The following PTGER3 variants were observed in gnomAD, a reference collection of about 807,000 sequenced individuals.
PTGER3 encodes the protein prostaglandin E2 receptor EP3 subtype.
A neutral mutation model predicts 34.7 loss-of-function variants in PTGER3; 22 were observed. The ratio of observed to expected loss-of-function variants is 0.63; its 90% CI spans 0.45 to 0.91. The LOEUF is 0.91. Among genes scored for constraint, PTGER3 ranks in the 40% least tolerant of loss-of-function variants. The pLI, the probability that PTGER3 is intolerant of heterozygous loss-of-function variation, is 0.00. For synonymous variants in PTGER3, 241 were observed against 230.1 expected (o/e 1.05, Z -0.43); for missense variants, 468 against 519.4 (o/e 0.90, Z 0.96).
chr1:70,932,132 A>C (rs1648765091), intron 4 of PTGER3, among the ~76,000 whole-genome samples: 1 of 152,142 alleles, frequency 6.6e-6, no homozygotes, highest in African/African-American at 2.4e-5. Flanking sequence ...GAAAAATCCC[A>C]CCAGTTTCTT....
At chr1:71,004,619 A>G (rs1383354760) in intron 2 of PTGER3, among the ~76,000 whole-genome samples, 1 of 152,224 alleles carries the variant, frequency 6.6e-6, no homozygotes, top group East Asian at 1.9e-4. Flanking sequence ...ATGTAGAATT[A>G]TAACAGATTT....
Position 71,047,301 on chromosome 1 carries a change from C to T in PTGER3, c.277G>A (p.Gly93Ser), listed in dbSNP as rs1474081811. Residue 93 changes from glycine (G) to serine (S), a missense_variant, in exon 1 of 4, where the codon GGC becomes AGC. Physicochemically the swap from Gly to Ser is moderately conservative, Grantham distance 56. Transcript: ENST00000306666. ...ACCAGGTCGGTGAGCGCCAGCCAGC[C>T]GATGCACAGCAGGAAGGACTTCTTG... ...KRKKSFLLCIGWLALTDLVGQ... is the reference protein window; with the variant it reads ...KRKKSFLLCISWLALTDLVGQ... The T allele has an allele frequency of 6.2e-7, 1 of 1,603,708 alleles. No homozygotes were observed. The highest frequency in any genetic ancestry group is 2.2e-5 in the East Asian group (1 of 44,448).
At chr1:71,002,877 T>A (rs1363620164) in intron 2 of PTGER3, among the ~76,000 whole-genome samples, 1 of 152,208 alleles carries the variant, frequency 6.6e-6, no homozygotes, top group African/African-American at 2.4e-5. Flanking sequence ...AGACTCCAAC[T>A]CACAGACCAC....
At chr1:70,893,462 G>A (rs77268000) in intron 4 of PTGER3, among the ~76,000 whole-genome samples, 1 of 152,128 alleles carries the variant, frequency 6.6e-6, no homozygotes, top group African/African-American at 2.4e-5. Context: ...TCTTTTTTCT[G>A]CATGTCTTTC....
chr1:70,969,362 A>G (rs891255763), downstream of PTGER3, among the ~76,000 whole-genome samples: 1 of 152,198 alleles, frequency 6.6e-6, no homozygotes, highest in African/African-American at 2.4e-5. Context: ...ACTTATGTTA[A>G]TCTTGTACAT....
intron 4 of PTGER3, among the ~76,000 whole-genome samples, chr1:70,860,195 T>A (rs980581128): frequency 6.6e-6 from 1 of 152,196 alleles, no homozygotes; most frequent in Non-Finnish European, 1.5e-5. Flanking sequence ...TTTTCTAAGA[T>A]AAATTTGTAA....
intron 2 of PTGER3, among the ~76,000 whole-genome samples, chr1:70,958,602 C>T (rs1361983468): frequency 6.6e-6 from 1 of 152,066 alleles, no homozygotes; most frequent in Non-Finnish European, 1.5e-5. Flanking sequence ...GCATAGTTTG[C>T]AAATATTTCT....
intron 4 of PTGER3, among the ~76,000 whole-genome samples, chr1:70,878,377 T>C (rs775322844): frequency 2.0e-5 from 3 of 152,120 alleles, no homozygotes; most frequent in Non-Finnish European, 4.4e-5. Context: ...TCTTTATTAG[T>C]CTAGCTCATG....
At chr1:70,932,387 T>A (rs1648793828) in intron 4 of PTGER3, among the ~76,000 whole-genome samples, 1 of 152,170 alleles carries the variant, frequency 6.6e-6, no homozygotes, top group South Asian at 2.1e-4. Context: ...TGGGTATCTT[T>A]TCAGCAATAC....
At chr1:70,915,494 T>A (rs1647155334) in intron 4 of PTGER3, among the ~76,000 whole-genome samples, 1 of 151,954 alleles carries the variant, frequency 6.6e-6, no homozygotes, top group African/African-American at 2.4e-5. Flanking sequence ...TTAAGGTCAC[T>A]GAATTTGAAG....
chr1:70,979,191 G>A (rs555097442), intron 2 of PTGER3, among the ~76,000 whole-genome samples: 1 of 152,100 alleles, frequency 6.6e-6, no homozygotes, highest in African/African-American at 2.4e-5. Context: ...GAGTAAACCA[G>A]AGTCAGCCAC....
intron 2 of PTGER3, 40 bp downstream of exon 2, chr1:71,012,265 T>C: frequency 1.9e-6 from 3 of 1,614,124 alleles, no homozygotes; most frequent in Non-Finnish European, 2.5e-6. Context: ...GGCTGCCCTT[T>C]CTGTCCATCA....
At chr1:70,855,280 C>T (rs1225927780) in intron 4 of PTGER3, among the ~76,000 whole-genome samples, 1 of 152,138 alleles carries the variant, frequency 6.6e-6, no homozygotes, top group African/African-American at 2.4e-5. Context: ...TGGTCCAACT[C>T]ATAGAAAGCA....
intron 4 of PTGER3, among the ~76,000 whole-genome samples, chr1:70,881,878 C>T (rs1265293887): frequency 6.6e-6 from 1 of 152,182 alleles, no homozygotes. Context: ...AGAGTTTAGG[C>T]AAAAGCAGAA....
At chr1:70,959,026 T>A (rs566545882) in intron 2 of PTGER3, among the ~76,000 whole-genome samples, 13 of 152,240 alleles carry the variant, frequency 8.5e-5, no homozygotes, top group Non-Finnish European at 1.9e-4. Context: ...ATTCCATTGA[T>A]CTATGTGTCT....
At chr1:70,975,490 T>A (rs1240600131) in intron 2 of PTGER3, among the ~76,000 whole-genome samples, 2 of 152,202 alleles carry the variant, frequency 1.3e-5, no homozygotes, top group Non-Finnish European at 2.9e-5. Context: ...CAGTCTTTTT[T>A]AATTGGCTTT....
downstream of PTGER3, among the ~76,000 whole-genome samples, chr1:70,949,773 A>G (rs112392020): frequency 4.4e-3 from 675 of 152,272 alleles, 10 homozygotes; most frequent in African/African-American, 0.015. Flanking sequence ...CCTGTCCAAT[A>G]TGATTACCAG....
intron 4 of PTGER3, among the ~76,000 whole-genome samples, chr1:70,911,078 TAAA>T (rs58300413): frequency 1.5e-4 from 22 of 143,222 alleles, no homozygotes; most frequent in African/African-American, 5.2e-4. Flanking sequence ...AGACTCCATT[TAAA>T]AAAAAAAAAA....
chr1:70,873,040 T>C (rs1416452852), intron 4 of PTGER3, among the ~76,000 whole-genome samples: 1 of 152,176 alleles, frequency 6.6e-6, no homozygotes, highest in Non-Finnish European at 1.5e-5. Context: ...AAGTATTCTC[T>C]CTATCCTGCA....
Sources: gnomAD v4.1 joint callset for allele counts (sites outside exome capture counted in the v4.1 genomes callset) on GRCh38, gnomAD v4.1.1 for gene constraint, MANE v1.5 for transcripts, NCBI Gene and HGNC (gene_info 2026-07-23, HGNC 2026-07-21) for gene names.